Variants in TLCD4 observed in about 807,000 individuals in gnomAD.
TLCD4 encodes TLC domain containing 4.
In TLCD4, 7 loss-of-function variants were observed where a neutral mutation model predicts 24.2. The observed-to-expected ratio is 0.29, with a 90% CI of 0.16 to 0.54. The LOEUF (loss-of-function observed/expected upper bound fraction) is 0.54. Ranked by LOEUF, TLCD4 falls within the 20% of genes least tolerant of loss-of-function variation. The pLI is 0.95. For missense variants in TLCD4, 259 were observed against 313.9 expected, an observed-to-expected ratio of 0.82 and a Z score of 1.32; for synonymous variants, 103 against 106.4, an observed-to-expected ratio of 0.97 and a Z score of 0.20.
upstream of TLCD4, among the ~76,000 whole-genome samples, chr1:95,115,840 T>TA (rs1448821111): frequency 6.6e-6 from 1 of 152,210 alleles, no homozygotes; most frequent in Non-Finnish European, 1.5e-5. Context: ...GTAGTGTTGA[T>TA]ACAGACTCTT....
intron 6 of TLCD4, among the ~76,000 whole-genome samples, chr1:95,182,034 A>G (rs575139712): frequency 6.6e-6 from 1 of 152,210 alleles, no homozygotes; most frequent in Admixed American, 6.5e-5. Context: ...ATTAGATGAC[A>G]TTTAAAATAT....
intron 5 of TLCD4, among the ~76,000 whole-genome samples, chr1:95,172,556 CTCCT>C (rs1678267036): frequency 6.6e-6 from 1 of 152,124 alleles, no homozygotes; most frequent in Admixed American, 6.5e-5. Flanking sequence ...TTGGCCATCC[CTCCT>C]TCCTTCTTCC....
At chr1:95,147,726 A>G (rs1677389376) in intron 2 of TLCD4, among the ~76,000 whole-genome samples, 1 of 151,998 alleles carries the variant, frequency 6.6e-6, no homozygotes, top group Non-Finnish European at 1.5e-5. Context: ...ATTTTTAGAG[A>G]GAAAACTTTG....
intron 1 of TLCD4, among the ~76,000 whole-genome samples, chr1:95,126,331 G>A (rs902083163): frequency 6.6e-6 from 1 of 151,506 alleles, no homozygotes; most frequent in African/African-American, 2.4e-5. Context: ...GGGAGGCTGA[G>A]GCAGGAGAGT....
chr1:95,182,432 GAC>G (rs1678677805), intron 6 of TLCD4, among the ~76,000 whole-genome samples: 1 of 151,994 alleles, frequency 6.6e-6, no homozygotes, highest in Admixed American at 6.6e-5. Context: ...ATATTAAAAA[GAC>G]ACATACTCAG....
At chr1:95,138,995 C>G (rs1283383577) in intron 1 of TLCD4, among the ~76,000 whole-genome samples, 1 of 138,310 alleles carries the variant, frequency 7.2e-6, no homozygotes, top group Non-Finnish European at 1.5e-5. Context: ...TGAGACCATC[C>G]TGGGCAACAT....
intron 6 of TLCD4, among the ~76,000 whole-genome samples, chr1:95,175,630 A>C (rs1235263596): frequency 6.6e-6 from 1 of 152,290 alleles, no homozygotes; most frequent in East Asian, 1.9e-4. Flanking sequence ...TAATGCATAC[A>C]TCTTTTTACA....
At chr1:95,096,092 G>A in the TLCD4 span, among the ~76,000 whole-genome samples, 1 of 152,302 alleles carries the variant, frequency 6.6e-6, no homozygotes, top group Admixed American at 6.5e-5. Flanking sequence ...AAAGCAGAAG[G>A]TACACTAACA....
chr1:95,170,495 A>G (rs947647552), intron 5 of TLCD4, among the ~76,000 whole-genome samples: 1 of 151,782 alleles, frequency 6.6e-6, no homozygotes, highest in Non-Finnish European at 1.5e-5. Context: ...ACGCCTGGCT[A>G]ATTTTTTGTA....
upstream of TLCD4, among the ~76,000 whole-genome samples, chr1:95,114,125 T>C (rs547159857): frequency 4.1e-4 from 63 of 152,304 alleles, no homozygotes; most frequent in African/African-American, 1.5e-3. Flanking sequence ...AGTGGTGCAA[T>C]ATCAGCTCAC....
At chr1:95,113,047 T>C (rs113824637), upstream of TLCD4, among the ~76,000 whole-genome samples, 47 of 149,394 alleles carry the variant, frequency 3.1e-4, 1 homozygote, top group South Asian at 3.6e-3. Flanking sequence ...TTCTTTCTTT[T>C]TTTTTTTTTT....
At chr1:95,134,852 A>G (rs969528951) in intron 1 of TLCD4, among the ~76,000 whole-genome samples, 9 of 152,220 alleles carry the variant, frequency 5.9e-5, no homozygotes, top group Non-Finnish European at 1.3e-4. Flanking sequence ...GGTGCACACC[A>G]TATGCTGAGT....
intron 1 of TLCD4, among the ~76,000 whole-genome samples, chr1:95,119,168 C>G (rs1676507720): frequency 6.6e-6 from 1 of 152,144 alleles, no homozygotes; most frequent in African/African-American, 2.4e-5. Flanking sequence ...GCTACTAATG[C>G]TTTATACTTG....
intron 5 of TLCD4, among the ~76,000 whole-genome samples, chr1:95,170,674 A>G (rs914464558): frequency 3.9e-5 from 6 of 152,122 alleles, no homozygotes; most frequent in Admixed American, 6.6e-5. Context: ...GTCTGGCTCA[A>G]GTAGGAATCT....
chr1:95,102,024 G>A, the TLCD4 span, among the ~76,000 whole-genome samples: 2 of 152,174 alleles, frequency 1.3e-5, no homozygotes, highest in Non-Finnish European at 2.9e-5. Flanking sequence ...GCAATAAAGA[G>A]TAAGAGAACG....
At chr1:95,104,335 G>A in the TLCD4 span, among the ~76,000 whole-genome samples, 4 of 152,048 alleles carry the variant, frequency 2.6e-5, no homozygotes, top group Non-Finnish European at 4.4e-5. Flanking sequence ...GTGTACTGAC[G>A]AACCCATCAT....
intron 1 of TLCD4, among the ~76,000 whole-genome samples, chr1:95,126,000 A>G (rs1676723130): frequency 1.3e-5 from 2 of 151,106 alleles, no homozygotes; most frequent in Non-Finnish European, 2.9e-5. Flanking sequence ...AAAAAAAAAA[A>G]AGGAAAAGAG....
intron 5 of TLCD4, among the ~76,000 whole-genome samples, chr1:95,172,049 G>A (rs1678248610): frequency 6.6e-6 from 1 of 152,238 alleles, no homozygotes; most frequent in African/African-American, 2.4e-5. Context: ...GAAGCTGGCA[G>A]AGAGTCCTAG....
intron 1 of TLCD4, among the ~76,000 whole-genome samples, chr1:95,134,176 G>A (rs922519917): frequency 6.6e-6 from 1 of 152,160 alleles, no homozygotes; most frequent in East Asian, 1.9e-4. Flanking sequence ...TGCCATTCCA[G>A]GTGAAGATAA....
Sources: allele counts gnomAD v4.1 joint callset (sites outside exome capture counted in the v4.1 genomes callset), GRCh38; gene constraint gnomAD v4.1.1; transcripts MANE v1.5; gene names NCBI Gene and HGNC (gene_info 2026-07-23, HGNC 2026-07-21).